The following CADM2 variants were observed in gnomAD, a reference collection of about 807,000 sequenced individuals.
CADM2 encodes the protein cell adhesion molecule 2.
Under a neutral mutation model 49.8 loss-of-function variants are expected in CADM2, and 12 were observed. The ratio of observed to expected loss-of-function variants is 0.24; its 90% CI spans 0.15 to 0.39. The LOEUF (loss-of-function observed/expected upper bound fraction) is 0.39, where lower values mean the gene tolerates loss of function less well. Ranked by LOEUF, CADM2 falls within the 10% of genes least tolerant of loss-of-function variation. CADM2 has a pLI of 1.00. For synonymous variants in CADM2, 214 were observed against 175.4 expected (o/e 1.22, Z -1.74); for missense variants, 378 against 492.3 (o/e 0.77, Z 2.20).
Position 85,032,298 on chromosome 3 carries a change from C to G in CADM2, c.61+72630C>G, listed in dbSNP as rs545960879. 9.9e-5 allele frequency among the ~76,000 whole-genome samples: 15 copies of G among 151,592 alleles called. No individual in the cohort carries two copies. In the South Asian group the frequency reaches 3.1e-3, roughly 32 times the overall value. On this transcript the variant is annotated intron_variant, in intron 1 of 9. Coordinates refer to ENST00000383699, the MANE Select transcript of CADM2 (RefSeq NM_001167675.2). Reference sequence around the variant, plus strand: ...ACAAAGATAACATTGGCATGAAAGACAATTCAAGGAAATTTGTGGGCAGAG... The same window carrying G: ...ACAAAGATAACATTGGCATGAAAGAGAATTCAAGGAAATTTGTGGGCAGAG...
intron 3 of CADM2, among the ~76,000 whole-genome samples, chr3:85,804,300 G>A (rs2072261174): frequency 2.0e-5 from 3 of 151,914 alleles, no homozygotes; most frequent in African/African-American, 7.3e-5. Flanking sequence ...TGTCAACTTG[G>A]TTATACATAC....
chr3:85,757,533 T>C (rs1323910624), intron 2 of CADM2, among the ~76,000 whole-genome samples: 1 of 151,938 alleles, frequency 6.6e-6, no homozygotes, highest in Non-Finnish European at 1.5e-5. Flanking sequence ...AAACATGAGA[T>C]GGAGCATTTA....
At chr3:85,046,641 T>C (rs2052304408) in intron 1 of CADM2, among the ~76,000 whole-genome samples, 1 of 152,026 alleles carries the variant, frequency 6.6e-6, no homozygotes, top group Non-Finnish European at 1.5e-5. Flanking sequence ...TCTCATGTTA[T>C]GTGACAATTA....
In CADM2 at chr3:85,943,838, T is replaced by C. The variant is rs144323101; in HGVS notation, c.791+7981T>C. 5.2e-4 allele frequency among the ~76,000 whole-genome samples: 79 copies of C among 152,128 alleles called. 1 individual carries two copies. The East Asian group carries it at 7.0e-3, about 13-fold the overall frequency. On this transcript the variant is annotated intron_variant, in intron 7 of 9. Coordinates refer to ENST00000383699, the MANE Select transcript of CADM2 (RefSeq NM_001167675.2). ...TAACCATGCCAAATTGTAAAGACCATTGATGCTAAGTAGAAACTGCATCAA... is the reference window on the plus strand; with the variant it reads ...TAACCATGCCAAATTGTAAAGACCACTGATGCTAAGTAGAAACTGCATCAA...
At chr3:85,610,968 G>T in intron 1 of CADM2, among the ~76,000 whole-genome samples, 1 of 151,840 alleles carries the variant, frequency 6.6e-6, no homozygotes, top group East Asian at 1.9e-4. Context: ...TAACATCAGT[G>T]GAGGACAGAT....
intron 1 of CADM2, among the ~76,000 whole-genome samples, chr3:85,189,148 A>G (rs1050458532): frequency 6.6e-6 from 1 of 151,856 alleles, no homozygotes; most frequent in African/African-American, 2.4e-5. Flanking sequence ...AAAGTAAGCT[A>G]TTAATATTAT....
chr3:85,009,108 C>A (rs1246106368), intron 1 of CADM2, among the ~76,000 whole-genome samples: 1 of 152,174 alleles, frequency 6.6e-6, no homozygotes, highest in African/African-American at 2.4e-5. Flanking sequence ...GGCTTGTTCA[C>A]AGCTTGTGGA....
chr3:86,031,897 AT>A (rs1211320612), intron 8 of CADM2, among the ~76,000 whole-genome samples: 1 of 151,756 alleles, frequency 6.6e-6, no homozygotes, highest in Non-Finnish European at 1.5e-5. Context: ...AAAATAATTA[AT>A]TACCCTAAAT....
intron 1 of CADM2, among the ~76,000 whole-genome samples, chr3:85,154,998 A>C (rs1271034851): frequency 6.6e-6 from 1 of 151,898 alleles, no homozygotes; most frequent in Non-Finnish European, 1.5e-5. Context: ...CCAGAATGTA[A>C]AGACCATCGA....
chr3:85,500,786 G>A (rs768742227), intron 1 of CADM2, among the ~76,000 whole-genome samples: 45 of 151,960 alleles, frequency 3.0e-4, no homozygotes, highest in Non-Finnish European at 5.3e-4. Flanking sequence ...CAAAGTTCTG[G>A]GATTACAGGT....
chr3:85,694,781 T>G (rs917626972), intron 1 of CADM2, among the ~76,000 whole-genome samples: 6 of 152,102 alleles, frequency 3.9e-5, no homozygotes, highest in African/African-American at 1.4e-4. Context: ...GTTTCCATAG[T>G]TATTTCAATT....
chr3:85,560,529 G>A (rs528505858), intron 1 of CADM2, among the ~76,000 whole-genome samples: 12 of 152,350 alleles, frequency 7.9e-5, no homozygotes, highest in African/African-American at 2.9e-4. Flanking sequence ...CGCTGCAGGA[G>A]AGGCAGACAT....
chr3:85,050,264 G>A (rs1177088260), intron 1 of CADM2, among the ~76,000 whole-genome samples: 2 of 151,994 alleles, frequency 1.3e-5, no homozygotes, highest in Non-Finnish European at 2.9e-5. Flanking sequence ...TAGAACCCAG[G>A]AGTAAAAGGG....
chr3:85,996,094 A>T (rs956281488), intron 8 of CADM2, among the ~76,000 whole-genome samples: 100 of 150,716 alleles, frequency 6.6e-4, no homozygotes, highest in Non-Finnish European at 4.9e-4. Context: ...TGCCTAAAAA[A>T]AAAAAATAAA....
chr3:85,205,998 G>A (rs1430854593), intron 1 of CADM2, among the ~76,000 whole-genome samples: 1 of 152,056 alleles, frequency 6.6e-6, no homozygotes, highest in Admixed American at 6.6e-5. Flanking sequence ...AATACTTCAT[G>A]AAGAGCCGGA....
intron 1 of CADM2, among the ~76,000 whole-genome samples, chr3:85,575,342 G>A (rs188624713): frequency 6.6e-5 from 10 of 152,258 alleles, no homozygotes; most frequent in African/African-American, 2.4e-4. Context: ...ACAAGGTCAG[G>A]AGATCCAGAC....
intron 1 of CADM2, among the ~76,000 whole-genome samples, chr3:85,561,967 G>GA (rs1482256809): frequency 4.6e-5 from 7 of 152,014 alleles, no homozygotes; most frequent in African/African-American, 1.7e-4. Context: ...ATGAAAATAG[G>GA]AAAAATCTAA....
chr3:86,030,888 G>A (rs1437979201), intron 8 of CADM2, among the ~76,000 whole-genome samples: 1 of 151,822 alleles, frequency 6.6e-6, no homozygotes, highest in Non-Finnish European at 1.5e-5. Flanking sequence ...ACTTTCATCT[G>A]CCAAGTTACT....
At position 85,637,860 on chromosome 3, in the gene CADM2, C is replaced by T. The variant is rs567545633; in HGVS notation, c.62-88662C>T. Among the ~76,000 whole-genome samples the T allele has an allele frequency of 1.5e-3, 227 of 152,070 alleles. 2 individuals carry two copies. Among genetic ancestry groups the T allele is most frequent in the Non-Finnish European group, 2.9e-3 (194 of 67,946 alleles). On this transcript the variant is annotated intron_variant, in intron 1 of 9. Coordinates refer to ENST00000383699, the MANE Select transcript of CADM2 (RefSeq NM_001167675.2). Reference sequence around the variant, plus strand: ...TATATGAGGGAAGACAAATTTATCACAAAAATTTAGGTGAAAACATGGCCA... The same window carrying T: ...TATATGAGGGAAGACAAATTTATCATAAAAATTTAGGTGAAAACATGGCCA...
Sources: allele counts gnomAD v4.1 joint callset (sites outside exome capture counted in the v4.1 genomes callset), GRCh38; gene constraint gnomAD v4.1.1; transcripts MANE v1.5; gene names NCBI Gene and HGNC (gene_info 2026-07-23, HGNC 2026-07-21).